DOCK5: variants seen among roughly 807,000 people sequenced by gnomAD.
DOCK5 encodes dedicator of cytokinesis protein 5.
In DOCK5, 142 loss-of-function variants were observed where a neutral mutation model predicts 251.8. That is an observed-to-expected ratio of 0.56 (90% CI 0.49 to 0.65). DOCK5 has a LOEUF of 0.65. Ranked by LOEUF, DOCK5 falls within the 30% of genes least tolerant of loss-of-function variation. DOCK5 has a pLI of 0.00. For missense variants in DOCK5, 2,111 were observed against 2,312.3 expected, an observed-to-expected ratio of 0.91 and a Z score of 1.79; for synonymous variants, 842 against 835.5, an observed-to-expected ratio of 1.01 and a Z score of -0.13.
chr8:25,242,479 C>T (rs927089204), intron 1 of DOCK5, among the ~76,000 whole-genome samples: 2 of 152,182 alleles, frequency 1.3e-5, no homozygotes, highest in African/African-American at 4.8e-5. Context: ...TGCCATTTGT[C>T]TGCCTTTTCT....
At chr8:25,370,719 CTGGTCTCGAAATTT>C (rs1480812093) in intron 34 of DOCK5, among the ~76,000 whole-genome samples, 2 of 151,386 alleles carry the variant, frequency 1.3e-5, no homozygotes, top group Non-Finnish European at 3.0e-5. Context: ...GTTGCCAAGG[CTGGTCTCGAAATTT>C]TGCTTTAAGT....
At chr8:25,298,637 G>T in intron 7 of DOCK5, among the ~76,000 whole-genome samples, 1 of 152,206 alleles carries the variant, frequency 6.6e-6, no homozygotes, top group Admixed American at 6.5e-5. Flanking sequence ...GTCTCACTTT[G>T]TTGCCCAGGC....
At chr8:25,278,159 C>T (rs1804096660) in intron 4 of DOCK5, among the ~76,000 whole-genome samples, 1 of 152,152 alleles carries the variant, frequency 6.6e-6, no homozygotes, top group South Asian at 2.1e-4. Context: ...GGTGGAGTCA[C>T]AGCCCCAGGA....
chr8:25,288,867 C>T (rs1305255370), intron 5 of DOCK5, among the ~76,000 whole-genome samples: 1 of 152,040 alleles, frequency 6.6e-6, no homozygotes, highest in Non-Finnish European at 1.5e-5. Flanking sequence ...TTATGTTTTG[C>T]TAAGGACTGG....
chr8:25,361,917 G>A (rs947251920), intron 28 of DOCK5, among the ~76,000 whole-genome samples: 8 of 152,228 alleles, frequency 5.3e-5, no homozygotes, highest in African/African-American at 1.7e-4. Context: ...GTTAGTGCCA[G>A]AGAAACTGGA....
chr8:25,236,743 G>A (rs1031193897), intron 1 of DOCK5, among the ~76,000 whole-genome samples: 1 of 151,038 alleles, frequency 6.6e-6, no homozygotes, highest in Non-Finnish European at 1.5e-5. Context: ...ACCACACCCA[G>A]CTAGTTTTTT....
intron 16 of DOCK5, among the ~76,000 whole-genome samples, chr8:25,323,366 C>T (rs1421406201): frequency 1.3e-5 from 2 of 152,152 alleles, no homozygotes; most frequent in East Asian, 3.9e-4. Flanking sequence ...TTTGAAGCAG[C>T]GTGGTTGACA....
At chr8:25,193,014 G>T (rs768848157) in intron 1 of DOCK5, among the ~76,000 whole-genome samples, 13 of 152,124 alleles carry the variant, frequency 8.5e-5, no homozygotes, top group Non-Finnish European at 1.5e-4. Flanking sequence ...TAGAGCCCCA[G>T]ACCTGCTTTT....
At chr8:25,278,035 C>T (rs891763753) in intron 4 of DOCK5, among the ~76,000 whole-genome samples, 4 of 152,064 alleles carry the variant, frequency 2.6e-5, no homozygotes, top group Non-Finnish European at 5.9e-5. Flanking sequence ...GTTAAGTGTA[C>T]GTTTTCTGTG....
intron 27 of DOCK5, among the ~76,000 whole-genome samples, chr8:25,354,790 T>A (rs938594593): frequency 5.9e-5 from 9 of 152,144 alleles, no homozygotes. Flanking sequence ...ATCAATTCAA[T>A]AAAAGGAAAA....
intron 34 of DOCK5, 69 bp downstream of exon 34, chr8:25,369,710 G>T (rs2048084): frequency 0.4 from 553,261 of 1,386,240 alleles, 112,583 homozygotes; most frequent in Admixed American, 0.49. Context: ...CAGGGGTCCT[G>T]TTTCACCAAT....
chr8:25,216,046 T>C (rs898434112), intron 1 of DOCK5, among the ~76,000 whole-genome samples: 1 of 151,800 alleles, frequency 6.6e-6, no homozygotes, highest in African/African-American at 2.4e-5. Flanking sequence ...GTATACAATA[T>C]GTATATATGT....
At position 25,380,405 on chromosome 8, in the gene DOCK5, G is replaced by A; in HGVS notation, c.4026+11G>A. 6.3e-7 allele frequency: 1 copy of A among 1,598,964 alleles called. No homozygotes were observed. Among genetic ancestry groups the A allele is most frequent in the Non-Finnish European group, 8.5e-7 (1 of 1,171,364 alleles). On this transcript the variant is annotated intron_variant, in intron 39 of 51. Coordinates refer to ENST00000276440, the MANE Select transcript of DOCK5 (RefSeq NM_024940.8). The stretch of plus-strand genomic sequence containing the variant: ...CTTGGCAACCTCCTGGTGAGTCTGG[G>A]TCAAAATATGTTAGGCCTCTGACAG...
intron 2 of DOCK5, among the ~76,000 whole-genome samples, chr8:25,255,233 C>G (rs1049903033): frequency 6.6e-6 from 1 of 152,180 alleles, no homozygotes; most frequent in Non-Finnish European, 1.5e-5. Context: ...AAAACTTACA[C>G]CCACACAAAA....
chr8:25,271,172 T>A lies in DOCK5; in HGVS notation c.168+2287T>A, dbSNP rs570326880. ...TAAATGATAAATTCTGGATTTTTTT[T>A]AAATTTTTTTGTGTTCATTAAAGAG... On this transcript the variant is annotated intron_variant, in intron 3 of 51. Transcript: ENST00000276440. The A allele has an allele frequency of 7.6e-3, 1,740 of 229,956 alleles. 28 individuals carry two copies. Among genetic ancestry groups the A allele is most frequent in the African/African-American group, 0.035 (1,552 of 44,584 alleles). 14.2% of individuals were successfully genotyped at this position (229,956 alleles called of 1,614,324 possible).
At chr8:25,238,466 G>A (rs78921312) in intron 1 of DOCK5, among the ~76,000 whole-genome samples, 2,690 of 152,314 alleles carry the variant, frequency 0.018, 33 homozygotes, top group Middle Eastern at 0.058. Flanking sequence ...AATAGATGAC[G>A]GCGGTGATTG....
intron 31 of DOCK5, 84 bp downstream of exon 31, chr8:25,367,054 A>T (rs1264677947): frequency 8.1e-7 from 1 of 1,231,560 alleles, no homozygotes; most frequent in Non-Finnish European, 1.2e-6. Flanking sequence ...TATCACAGAA[A>T]TTACTATTTA....
At chr8:25,191,937 G>T (rs1801592774) in intron 1 of DOCK5, among the ~76,000 whole-genome samples, 1 of 113,064 alleles carries the variant, frequency 8.8e-6, no homozygotes, top group Non-Finnish European at 1.7e-5. Context: ...CCCACAACAG[G>T]CCCTGGTGTG....
At chr8:25,397,378 C>G (rs1305793358) in intron 45 of DOCK5, among the ~76,000 whole-genome samples, 2 of 152,200 alleles carry the variant, frequency 1.3e-5, no homozygotes, top group African/African-American at 2.4e-5. Context: ...CTACTTGGAG[C>G]AGACGGTGTA....
Sources: gnomAD v4.1 joint callset for allele counts (sites outside exome capture counted in the v4.1 genomes callset) on GRCh38, gnomAD v4.1.1 for gene constraint, MANE v1.5 for transcripts, NCBI Gene and HGNC (gene_info 2026-07-23, HGNC 2026-07-21) for gene names.